DLG2: variants seen among roughly 807,000 people sequenced by gnomAD.
DLG2 encodes discs large MAGUK scaffold protein 2.
A neutral mutation model predicts 132.5 loss-of-function variants in DLG2; 45 were observed. The observed-to-expected ratio is 0.34, with a 90% CI of 0.27 to 0.44. The LOEUF (loss-of-function observed/expected upper bound fraction) is 0.44. Ranked by LOEUF, DLG2 falls within the 20% of genes least tolerant of loss-of-function variation. The probability of loss-of-function intolerance (pLI) is 1.00; values close to 1 mark genes in which losing one functional copy is unlikely to be tolerated. For missense variants in DLG2, 1,045 were observed against 1,196.9 expected (o/e 0.87, Z 1.87); for synonymous variants, 424 against 419.6 (o/e 1.01, Z -0.13).
At chr11:84,937,612 G>A (rs1347828819) in intron 6 of DLG2, among the ~76,000 whole-genome samples, 1 of 152,154 alleles carries the variant, frequency 6.6e-6, no homozygotes, top group Non-Finnish European at 1.5e-5. Flanking sequence ...GAGAGGACAT[G>A]AGGAAAGGCA....
Position 84,648,552 on chromosome 11 carries a change from A to G in DLG2, c.358-113821T>C, listed in dbSNP as rs143915113. ...ATCTCATGTTGAAATTTGATACCCAATGTTGGAGGTGGGGGCTGGTGGGAA... is the reference window on the plus strand; with the variant it reads ...ATCTCATGTTGAAATTTGATACCCAGTGTTGGAGGTGGGGGCTGGTGGGAA... On this transcript the variant is annotated intron_variant, in intron 6 of 27. Coordinates refer to ENST00000376104, the MANE Select transcript of DLG2 (RefSeq NM_001142699.3). Among the ~76,000 whole-genome samples the G allele has an allele frequency of 1.4e-4, 21 of 152,140 alleles. No homozygotes were observed. The East Asian group carries it at 2.7e-3, about 20-fold the overall frequency.
intron 7 of DLG2, among the ~76,000 whole-genome samples, chr11:84,256,657 T>C (rs1290429115): frequency 6.6e-6 from 1 of 152,196 alleles, no homozygotes; most frequent in Non-Finnish European, 1.5e-5. Context: ...GCTTATCTTA[T>C]CAGCCTTACA....
At chr11:84,793,991 G>A (rs1163947505) in intron 6 of DLG2, among the ~76,000 whole-genome samples, 2 of 151,856 alleles carry the variant, frequency 1.3e-5, no homozygotes, top group Non-Finnish European at 2.9e-5. Flanking sequence ...CTTCATTTCT[G>A]CCTTCCTTGT....
chr11:83,989,056 A>C (rs1219924213), intron 11 of DLG2, among the ~76,000 whole-genome samples: 1 of 152,158 alleles, frequency 6.6e-6, no homozygotes, highest in African/African-American at 2.4e-5. Context: ...ATGAATGAAC[A>C]AATGAATATA....
At chr11:85,553,240 T>G (rs569462422) in intron 3 of DLG2, among the ~76,000 whole-genome samples, 50 of 151,728 alleles carry the variant, frequency 3.3e-4, no homozygotes, top group African/African-American at 1.1e-3. Context: ...CAAATGTGAA[T>G]TCTAAATTCA....
intron 6 of DLG2, among the ~76,000 whole-genome samples, chr11:84,902,809 C>T (rs935897064): frequency 7.2e-5 from 11 of 152,146 alleles, no homozygotes; most frequent in African/African-American, 1.9e-4. Context: ...TCTAGGATAG[C>T]TAACAACACC....
intron 8 of DLG2, among the ~76,000 whole-genome samples, chr11:84,209,668 T>C (rs557746596): frequency 6.6e-6 from 1 of 152,060 alleles, no homozygotes; most frequent in South Asian, 2.1e-4. Context: ...GGACCAACAC[T>C]TAGCAAGATG....
intron 4 of DLG2, among the ~76,000 whole-genome samples, chr11:85,222,533 T>TCAGAG (rs2074714758): frequency 6.6e-6 from 1 of 152,112 alleles, no homozygotes; most frequent in Non-Finnish European, 1.5e-5. Flanking sequence ...ATTCCCTCAT[T>TCAGAG]GGAAATTCAG....
chr11:84,495,151 A>C (rs2099178199), intron 7 of DLG2, among the ~76,000 whole-genome samples: 1 of 152,110 alleles, frequency 6.6e-6, no homozygotes, highest in East Asian at 1.9e-4. Context: ...ATCTGTCCCT[A>C]AAACCATCTG....
At chr11:84,812,788 T>A (rs2076703389) in intron 6 of DLG2, among the ~76,000 whole-genome samples, 1 of 152,154 alleles carries the variant, frequency 6.6e-6, no homozygotes, top group South Asian at 2.1e-4. Flanking sequence ...AATGTGAAAC[T>A]CTTTGAGAAC....
chr11:85,460,195 C>T (rs1381566423), intron 3 of DLG2, among the ~76,000 whole-genome samples: 2 of 152,196 alleles, frequency 1.3e-5, no homozygotes, highest in African/African-American at 2.4e-5. Context: ...GATTCAGCCA[C>T]TTTCCTGGGG....
chr11:85,287,516 A>G (rs779830737), intron 3 of DLG2, among the ~76,000 whole-genome samples: 3 of 152,134 alleles, frequency 2.0e-5, no homozygotes, highest in Non-Finnish European at 4.4e-5. Context: ...CTCACAGTAC[A>G]AGGACTAGAA....
At chr11:83,887,288 A>G (rs932080487) in intron 15 of DLG2, among the ~76,000 whole-genome samples, 1 of 152,170 alleles carries the variant, frequency 6.6e-6, no homozygotes, top group African/African-American at 2.4e-5. Flanking sequence ...TCTCACAGAA[A>G]TACAAACTAC....
chr11:84,606,550 A>G (rs889647142), intron 6 of DLG2, among the ~76,000 whole-genome samples: 2 of 152,132 alleles, frequency 1.3e-5, no homozygotes, highest in Non-Finnish European at 2.9e-5. Context: ...AATAAGTACA[A>G]TTGCAAAACT....
intron 5 of DLG2, among the ~76,000 whole-genome samples, chr11:85,146,227 CCTCTCTCTCTCT>C (rs35640163): frequency 7.7e-5 from 10 of 129,110 alleles, no homozygotes; most frequent in Admixed American, 1.5e-4. Context: ...TCTGTTTCTC[CCTCTCTCTCTCT>C]CTCTCTCTCT....
chr11:84,237,382 A>T (rs1301047785), intron 8 of DLG2, among the ~76,000 whole-genome samples: 1 of 152,188 alleles, frequency 6.6e-6, no homozygotes, highest in Non-Finnish European at 1.5e-5. Flanking sequence ...GATACTGATT[A>T]TAATGCGCTA....
At chr11:83,477,230 A>C (rs907132737) in intron 22 of DLG2, among the ~76,000 whole-genome samples, 1 of 152,086 alleles carries the variant, frequency 6.6e-6, no homozygotes, top group African/African-American at 2.4e-5. Context: ...CCACCTCCTA[A>C]TACATGGGTG....
intron 7 of DLG2, among the ~76,000 whole-genome samples, chr11:84,414,747 C>T (rs1313377408): frequency 1.3e-5 from 2 of 152,196 alleles, no homozygotes; most frequent in Non-Finnish European, 2.9e-5. Flanking sequence ...CAGGATGCTG[C>T]TGCAAAGTAG....
Position 83,962,895 on chromosome 11 carries a change from C to G in DLG2, c.1330G>C (p.Asp444His), listed in dbSNP as rs200073489. ...PIPKHMLVDD[D>H]YTRPPEPVYS... ...ACAGGCATATCTGACCTGGTGTAGT[C>G]GTCGTCAACAAGCATGTGCTTTGGA... is the stretch of plus-strand genomic sequence containing the variant. Residue 444 changes from aspartate (D) to histidine (H), a missense_variant, in exon 14 of 28, where the codon GAC becomes CAC. Coordinates refer to ENST00000376104, the MANE Select transcript of DLG2 (RefSeq NM_001142699.3). 1.2e-6 allele frequency: 2 copies of G among 1,612,618 alleles called. No individual in the cohort carries two copies. The highest frequency in any genetic ancestry group is 1.7e-5 in the Admixed American group (1 of 59,946).
Sources: gnomAD v4.1 joint callset for allele counts (sites outside exome capture counted in the v4.1 genomes callset) on GRCh38, gnomAD v4.1.1 for gene constraint, MANE v1.5 for transcripts, NCBI Gene and HGNC (gene_info 2026-07-23, HGNC 2026-07-21) for gene names.